Variants in FBXW9 observed in about 807,000 individuals in gnomAD.
FBXW9 encodes F-box/WD repeat-containing protein 9.
A neutral mutation model predicts 55.8 loss-of-function variants in FBXW9; 38 were observed. The observed-to-expected ratio is 0.68, with a 90% CI of 0.53 to 0.89. FBXW9 has a LOEUF of 0.89. Ranked by LOEUF, FBXW9 falls within the 40% of genes least tolerant of loss-of-function variation. The pLI, the probability that FBXW9 is intolerant of heterozygous loss-of-function variation, is 0.00. For synonymous variants in FBXW9, 289 were observed against 278.2 expected (o/e 1.04, Z -0.38); for missense variants, 590 against 619.4 (o/e 0.95, Z 0.50).
intron 3 of FBXW9, 91 bp downstream of exon 3, chr19:12,694,503 C>G: frequency 1.4e-6 from 2 of 1,399,160 alleles, no homozygotes; most frequent in Non-Finnish European, 1.9e-6. Context: ...AAGTCAGATT[C>G]AAATCTATGC....
At chr19:12,694,542 C>G (rs1026131478) in intron 3 of FBXW9, 52 bp downstream of exon 3, 1 of 1,585,268 alleles carries the variant, frequency 6.3e-7, no homozygotes, top group African/African-American at 1.3e-5. Context: ...GGGGCCTTAA[C>G]CAAGATGCCC....
intron 1 of FBXW9, 31 bp downstream of exon 1, chr19:12,696,142 C>A: frequency 2.1e-6 from 3 of 1,457,040 alleles, no homozygotes; most frequent in Non-Finnish European, 2.7e-6. Context: ...GCGCCCCCGG[C>A]CCCCGGTCCC....
At chr19:12,691,027 A>G (rs931042292) in intron 5 of FBXW9, 139 bp downstream of exon 5, 5 of 797,532 alleles carry the variant, frequency 6.3e-6, no homozygotes, top group South Asian at 3.1e-5. Flanking sequence ...AGTTGCCTGT[A>G]TTGTACCAGC....
chr19:12,693,464 G>A (rs1417836691), intron 3 of FBXW9, among the ~76,000 whole-genome samples: 1 of 128,206 alleles, frequency 7.8e-6, no homozygotes, highest in East Asian at 2.6e-4. Context: ...TTTGAGACCA[G>A]CCTGGCCAAC....
Position 12,694,793 on chromosome 19 carries a change from T to C in FBXW9, c.549+6A>G, listed in dbSNP as rs1206636736. On this transcript the variant is annotated splice_donor_region_variant and intron_variant, in intron 2 of 9. Transcript: ENST00000393261. ...CCTGCCTGGCCCCCCACAGACCCCG[T>C]CTCACCTGGAGCAGCAGCACTGAGT... The C allele has an allele frequency of 6.2e-7, 1 of 1,613,874 alleles. No homozygotes were observed. Among genetic ancestry groups the C allele is most frequent in the Admixed American group, 1.7e-5 (1 of 60,004 alleles).
intron 5 of FBXW9, among the ~76,000 whole-genome samples, chr19:12,690,467 C>T (rs186015044): frequency 1.8e-4 from 27 of 152,262 alleles, no homozygotes; most frequent in African/African-American, 6.5e-4. Flanking sequence ...GGTACACTGG[C>T]CCTTCAATTA....
At chr19:12,695,031 C>A in intron 1 of FBXW9, 93 bp from the exon 2 acceptor site, 1 of 1,427,246 alleles carries the variant, frequency 7.0e-7, no homozygotes, top group Non-Finnish European at 9.5e-7. Flanking sequence ...AGGGAGCCCA[C>A]ACTACACCAG....
rs769895936 is a variant in FBXW9 at position 12,689,753 on chromosome 19, C to T, written c.1146+8G>A. The T allele has an allele frequency of 4.3e-6, 7 of 1,613,688 alleles. No homozygotes were observed. The highest frequency in any genetic ancestry group is 5.1e-6 in the Non-Finnish European group (6 of 1,179,662). On this transcript the variant is annotated splice_region_variant and intron_variant, in intron 7 of 9. Transcript: ENST00000393261. The surrounding 1 kb of genome is among the most constrained non-coding windows in gnomAD (Gnocchi z 5.9). ...GAGGGACAGTCAGGGGCAGGAGCTC[C>T]AGCAGACCCGGATAAGCTGGAAGCA...
Position 12,689,530 on chromosome 19 carries a change from A to G in FBXW9, c.1236+11T>C, listed in dbSNP as rs1599392899. The G allele has an allele frequency of 6.2e-7, 1 of 1,613,882 alleles. No individual in the cohort carries two copies. The highest frequency in any genetic ancestry group is 8.5e-7 in the Non-Finnish European group (1 of 1,179,822). The stretch of plus-strand genomic sequence containing the variant: ...GACTGTCCTGGGGTGGGGGCTGGGC[A>G]GGAGCCTCACCCGGATGGTCTTGTC... On this transcript the variant is annotated intron_variant, in intron 8 of 9. Transcript: ENST00000393261. This position sits in a 1 kb window ranked among gnomAD's most constrained non-coding sequence, Gnocchi z 5.9.
In FBXW9 at chr19:12,696,546, G is replaced by T; in HGVS notation, c.36C>A (p.Arg12=). Residue 12 remains arginine, a synonymous_variant, in exon 1 of 10, where the codon CGC becomes CGA. Coordinates refer to ENST00000393261, the MANE Select transcript of FBXW9 (RefSeq NM_032301.3). ...ELPLGRCDDS[R]TWDDDSDPES... ...CTGGGTCCGAGTCATCGTCCCAGGT[G>T]CGGGAATCATCGCACCGCCCTAGGG... 1 of 1,612,168 alleles carries T rather than the reference G, an allele frequency of 6.2e-7. No individual in the cohort carries two copies. The highest frequency in any genetic ancestry group is 8.5e-7 in the Non-Finnish European group (1 of 1,179,972).
chr19:12,694,607 T>C lies in FBXW9; in HGVS notation c.665A>G (p.Asn222Ser). ...VLIKTLGTKRNSTHEGWVWSL... is the reference protein window; with the variant it reads ...VLIKTLGTKRSSTHEGWVWSL... The stretch of plus-strand genomic sequence containing the variant: ...CTGACTCCTCACCTCATGGGTACTA[T>C]TTCGCTTAGTGCCTAAGGTCTTGAT... Residue 222 changes from asparagine (N) to serine (S), a missense_variant, in exon 3 of 10, where the codon AAT becomes AGT. Transcript: ENST00000393261. 4 of 1,614,200 alleles carry C rather than the reference T, an allele frequency of 2.5e-6. No individual in the cohort carries two copies. The highest frequency in any genetic ancestry group is 3.4e-6 in the Non-Finnish European group (4 of 1,180,022).
rs755139085 is a variant in FBXW9 at position 12,694,643 on chromosome 19, T to C, written c.629A>G (p.Asn210Ser). 7.4e-6 allele frequency: 12 copies of C among 1,614,116 alleles called. No homozygotes were observed. Among genetic ancestry groups the C allele is most frequent in the South Asian group, 4.4e-5 (4 of 91,092 alleles). The change falls in exon 3 of 10, where the codon AAC (asparagine) becomes AGC (serine). Residue 210 changes from asparagine (N) to serine (S), a missense_variant. Asn to Ser is a conservative substitution (Grantham distance 46, BLOSUM62 1). Coordinates refer to ENST00000393261, the MANE Select transcript of FBXW9 (RefSeq NM_032301.3). ...GCCTAAGGTCTTGATCAGAACCTGG[T>C]TGGACTCCGTCCCCAGCTGCCGCAG... Reference protein sequence around the residue: ...WDLRQLGTESNQVLIKTLGTK... With the variant: ...WDLRQLGTESSQVLIKTLGTK...
At chr19:12,694,225 C>T (rs2025047072) in intron 3 of FBXW9, among the ~76,000 whole-genome samples, 1 of 148,652 alleles carries the variant, frequency 6.7e-6, no homozygotes, top group African/African-American at 2.5e-5. Context: ...CCTGTAGTCC[C>T]AGCTACTCAG....
intron 3 of FBXW9, among the ~76,000 whole-genome samples, chr19:12,693,501 G>GGAA (rs2025029773): frequency 4.7e-4 from 1 of 2,132 alleles, no homozygotes; most frequent in Non-Finnish European, 1.3e-3. Flanking sequence ...TCTACTAAAG[G>GGAA]AAAAAAAAAA....
At chr19:12,693,797 A>G (rs1980604997) in intron 3 of FBXW9, among the ~76,000 whole-genome samples, 1 of 150,822 alleles carries the variant, frequency 6.6e-6, no homozygotes, top group Admixed American at 6.6e-5. Flanking sequence ...AGGCTGAGAC[A>G]GGAGAATCAC....
At chr19:12,695,966 G>A (rs1453882130) in intron 1 of FBXW9, among the ~76,000 whole-genome samples, 1 of 152,218 alleles carries the variant, frequency 6.6e-6, no homozygotes, top group East Asian at 1.9e-4. Flanking sequence ...AGGACCCCAA[G>A]TGCCTGACTG....
chr19:12,696,560 A>C lies in FBXW9; in HGVS notation c.22T>G (p.Cys8Gly), dbSNP rs1351111170. 6.2e-7 allele frequency: 1 copy of C among 1,611,228 alleles called. No individual in the cohort carries two copies. The highest frequency in any genetic ancestry group is 1.1e-5 in the South Asian group (1 of 91,076). Residue 8 changes from cysteine to glycine, a missense_variant, in exon 1 of 10, where the codon TGC (cysteine) becomes GGC (glycine). Transcript: ENST00000393261. MELPLGRCDDSRTWDDDS... is the reference protein window; with the variant it reads MELPLGRGDDSRTWDDDS... Reference sequence around the variant, plus strand: ...TCGTCCCAGGTGCGGGAATCATCGCACCGCCCTAGGGGAAGCTCCATTGCG... The same window carrying C: ...TCGTCCCAGGTGCGGGAATCATCGCCCCGCCCTAGGGGAAGCTCCATTGCG...
chr19:12,696,434 G>C lies in FBXW9; in HGVS notation c.148C>G (p.Pro50Ala), dbSNP rs1028121237. 1.2e-6 allele frequency: 2 copies of C among 1,612,142 alleles called. No individual in the cohort carries two copies. The highest frequency in any genetic ancestry group is 2.7e-5 in the African/African-American group (2 of 74,944). The part of the protein sequence containing the change: ...PPKSGLAFSR[P>A]SQLSTPAASP... Reference sequence around the variant, plus strand: ...GCGGCGGGTGTGGATAGCTGCGAGGGGCGCGAGAACGCCAGCCCGGATTTT... The same window carrying C: ...GCGGCGGGTGTGGATAGCTGCGAGGCGCGCGAGAACGCCAGCCCGGATTTT... Residue 50 changes from proline (P) to alanine (A), a missense_variant, in exon 1 of 10, where the codon CCC becomes GCC. Transcript: ENST00000393261.
chr19:12,693,561 T>TACACACACACACACAC (rs1169069518), intron 3 of FBXW9, among the ~76,000 whole-genome samples: 1 of 10,262 alleles, frequency 9.7e-5, no homozygotes, highest in Non-Finnish European at 1.7e-4. Context: ...TATATATATA[T>TACACACACACACACAC]ACACACACAC....
Sources: gnomAD v4.1 joint callset for allele counts (sites outside exome capture counted in the v4.1 genomes callset) on GRCh38, gnomAD v4.1.1 for gene constraint, Gnocchi (gnomAD v3.1) non-coding constraint, MANE v1.5 for transcripts, NCBI Gene and HGNC (gene_info 2026-07-23, HGNC 2026-07-21) for gene names.